Variants in PTPRD observed in about 807,000 individuals in gnomAD.
PTPRD encodes the protein protein tyrosine phosphatase receptor type D, also known as receptor-type tyrosine-protein phosphatase delta.
PTPRD carries 34 observed loss-of-function variants against 214.5 expected under a neutral mutation model. The observed-to-expected ratio is 0.16, with a 90% CI of 0.12 to 0.21. The LOEUF (loss-of-function observed/expected upper bound fraction) is 0.21. Among genes scored for constraint, PTPRD ranks in the 10% least tolerant of loss-of-function variants. PTPRD has a pLI of 1.00. For missense variants in PTPRD, 2,545 were observed against 2,398.7 expected, an observed-to-expected ratio of 1.06 and a Z score of -1.27; for synonymous variants, 1,128 against 845.7, an observed-to-expected ratio of 1.33 and a Z score of -5.79.
chr9:8,590,681 G>C (rs2094028493), intron 14 of PTPRD, among the ~76,000 whole-genome samples: 1 of 152,104 alleles, frequency 6.6e-6, no homozygotes, highest in South Asian at 2.1e-4. Context: ...TGTTTCTTTG[G>C]TGTGAAGAGC....
intron 5 of PTPRD, among the ~76,000 whole-genome samples, chr9:9,806,007 C>T (rs1341076569): frequency 6.6e-6 from 1 of 152,014 alleles, no homozygotes; most frequent in Non-Finnish European, 1.5e-5. Context: ...TGATCCTAAC[C>T]CTCAAGTGGT....
chr9:8,334,755 T>G (rs1844939498), intron 43 of PTPRD, among the ~76,000 whole-genome samples: 1 of 111,170 alleles, frequency 9.0e-6, no homozygotes, highest in Non-Finnish European at 1.9e-5. Context: ...GAGCTGGCTT[T>G]TGGAAAAGAT....
chr9:8,930,635 C>G (rs1343325685), intron 11 of PTPRD, among the ~76,000 whole-genome samples: 27 of 152,148 alleles, frequency 1.8e-4, no homozygotes. Context: ...TGTTTCCTGA[C>G]TTTTTAATGA....
chr9:8,897,650 AC>A (rs2098630981), intron 11 of PTPRD, among the ~76,000 whole-genome samples: 1 of 152,230 alleles, frequency 6.6e-6, no homozygotes, highest in South Asian at 2.1e-4. Flanking sequence ...ACCAACCTGA[AC>A]AATGCTTTCA....
intron 8 of PTPRD, among the ~76,000 whole-genome samples, chr9:9,437,160 G>A (rs1235767350): frequency 1.3e-5 from 2 of 152,172 alleles, no homozygotes; most frequent in Non-Finnish European, 2.9e-5. Flanking sequence ...GGCTGAGAGG[G>A]CGATGTTAAA....
At chr9:9,536,049 G>T (rs2076458114) in intron 8 of PTPRD, among the ~76,000 whole-genome samples, 1 of 152,012 alleles carries the variant, frequency 6.6e-6, no homozygotes, top group Non-Finnish European at 1.5e-5. Context: ...GGTAATCAGG[G>T]ACAAGGATAC....
intron 39 of PTPRD, among the ~76,000 whole-genome samples, chr9:8,346,556 G>C (rs1440962282): frequency 6.6e-6 from 1 of 152,060 alleles, no homozygotes; most frequent in East Asian, 1.9e-4. Flanking sequence ...CCAGCCCAGG[G>C]TGTGAATCAA....
intron 3 of PTPRD, among the ~76,000 whole-genome samples, chr9:10,075,502 A>G (rs1197448605): frequency 1.3e-5 from 2 of 151,928 alleles, no homozygotes; most frequent in East Asian, 3.9e-4. Flanking sequence ...TATGAAATAA[A>G]TAATATTTTA....
At chr9:10,114,537 A>G (rs2154239603) in intron 3 of PTPRD, among the ~76,000 whole-genome samples, 1 of 152,204 alleles carries the variant, frequency 6.6e-6, no homozygotes, top group East Asian at 1.9e-4. Flanking sequence ...ATTCTCATAA[A>G]CTTATACATA....
intron 6 of PTPRD, among the ~76,000 whole-genome samples, chr9:9,735,844 TTTAAG>T (rs1463497558): frequency 3.9e-5 from 6 of 152,148 alleles, no homozygotes; most frequent in African/African-American, 1.4e-4. Context: ...ATTGTCATAT[TTTAAG>T]TTATTTCTTT....
chr9:9,334,311 G>C (rs184895637), intron 9 of PTPRD, among the ~76,000 whole-genome samples: 8 of 152,116 alleles, frequency 5.3e-5, no homozygotes, highest in African/African-American at 1.9e-4. Context: ...ATGGAACTGA[G>C]AAGTATTTAT....
chr9:9,360,065 G>C (rs2055436344), intron 9 of PTPRD, among the ~76,000 whole-genome samples: 1 of 151,180 alleles, frequency 6.6e-6, no homozygotes, highest in South Asian at 2.1e-4. Context: ...CATGGCAGAA[G>C]TCAGATTTCA....
intron 2 of PTPRD, among the ~76,000 whole-genome samples, chr9:10,467,845 A>G (rs559708896): frequency 6.6e-6 from 1 of 152,104 alleles, no homozygotes; most frequent in East Asian, 1.9e-4. Context: ...AGTAAAAAAC[A>G]TAAAGATACT....
chr9:9,804,389 TA>T (rs763650874), intron 5 of PTPRD, among the ~76,000 whole-genome samples: 1 of 152,058 alleles, frequency 6.6e-6, no homozygotes, highest in South Asian at 2.1e-4. Context: ...AGGAAACTAA[TA>T]AAAAAAGTTT....
chr9:10,091,381 A>G (rs1231534752), intron 3 of PTPRD, among the ~76,000 whole-genome samples: 2 of 151,554 alleles, frequency 1.3e-5, no homozygotes, highest in Admixed American at 6.6e-5. Flanking sequence ...CTACTGACCA[A>G]TTCATTACTG....
chr9:8,474,440 C>T (rs1447138949), intron 30 of PTPRD, among the ~76,000 whole-genome samples: 1 of 152,164 alleles, frequency 6.6e-6, no homozygotes, highest in Non-Finnish European at 1.5e-5. Flanking sequence ...AAGCCCGTCT[C>T]CTCCACTCTA....
rs115687419 is a variant in PTPRD at position 10,122,307 on chromosome 9, C to G, written c.-544-88517G>C. Among the ~76,000 whole-genome samples, 584 of 151,582 alleles carry G rather than the reference C, an allele frequency of 3.9e-3. 3 individuals are homozygous for G. The highest frequency in any genetic ancestry group is 0.013 in the African/African-American group (558 of 41,342). ...TTGGCAATGGAGCAAAACTCCATCT[C>G]AAAAAAAATTAATTTCTTGCAATTA... On this transcript the variant is annotated intron_variant, in intron 3 of 45. Transcript: ENST00000381196.
At chr9:10,253,285 C>T (rs901306715) in intron 3 of PTPRD, among the ~76,000 whole-genome samples, 8 of 152,132 alleles carry the variant, frequency 5.3e-5, no homozygotes, top group Non-Finnish European at 8.8e-5. Flanking sequence ...GAATGGAATC[C>T]TTCTTCCTAA....
At position 8,633,454 on chromosome 9, in the gene PTPRD, A is replaced by G. The variant is rs1356394001; in HGVS notation, c.215T>C (p.Ile72Thr). ...KKVSNQRFEV[I>T]EFDDGSGSVL... The stretch of plus-strand genomic sequence containing the variant: ...TGATCCAGACCCATCGTCAAACTCT[A>G]TTACCTATTAGAGGAAACAATAGCT... Residue 72 changes from isoleucine (I) to threonine (T), a missense_variant, in exon 14 of 46, where the codon ATA becomes ACA. Transcript: ENST00000381196. 6.2e-7 allele frequency: 1 copy of G among 1,611,460 alleles called. No homozygotes were observed. The highest frequency in any genetic ancestry group is 1.3e-5 in the African/African-American group (1 of 74,722).
Sources: allele counts gnomAD v4.1 joint callset (sites outside exome capture counted in the v4.1 genomes callset), GRCh38; gene constraint gnomAD v4.1.1; transcripts MANE v1.5; gene names NCBI Gene and HGNC (gene_info 2026-07-23, HGNC 2026-07-21).